NEGR1: variants seen among roughly 807,000 people sequenced by gnomAD.
NEGR1 encodes the protein neuronal growth regulator 1.
NEGR1 carries 10 observed loss-of-function variants against 40.9 expected under a neutral mutation model. The ratio of observed to expected loss-of-function variants is 0.24; its 90% CI spans 0.15 to 0.42. The LOEUF is 0.42. Among genes scored for constraint, NEGR1 ranks in the 10% least tolerant of loss-of-function variants. The probability of loss-of-function intolerance (pLI) is 1.00; values close to 1 mark genes in which losing one functional copy is unlikely to be tolerated. For synonymous variants in NEGR1, 185 were observed against 166.8 expected, an observed-to-expected ratio of 1.11 and a Z score of -0.84; for missense variants, 352 against 438.9, an observed-to-expected ratio of 0.80 and a Z score of 1.77.
intron 1 of NEGR1, among the ~76,000 whole-genome samples, chr1:71,999,995 C>T (rs1646543576): frequency 6.6e-6 from 1 of 151,858 alleles, no homozygotes; most frequent in South Asian, 2.1e-4. Flanking sequence ...TTGTGTATGT[C>T]ATTGTACTGT....
chr1:72,210,869 C>A (rs916513891), intron 1 of NEGR1, among the ~76,000 whole-genome samples: 2 of 151,766 alleles, frequency 1.3e-5, no homozygotes, highest in African/African-American at 4.8e-5. Flanking sequence ...GTTTGAGATT[C>A]CATACTGTAA....
intron 4 of NEGR1, among the ~76,000 whole-genome samples, chr1:71,668,122 TA>T (rs1652301825): frequency 1.3e-5 from 2 of 152,232 alleles, no homozygotes; most frequent in South Asian, 4.1e-4. Flanking sequence ...TGGGTTTAAC[TA>T]AATATTTTCC....
chr1:71,585,520 T>C (rs1649274048), intron 6 of NEGR1, among the ~76,000 whole-genome samples: 1 of 152,044 alleles, frequency 6.6e-6, no homozygotes, highest in Non-Finnish European at 1.5e-5. Flanking sequence ...GGCTGATCAA[T>C]GACAACACCA....
Position 71,776,188 on chromosome 1 carries a change from T to C in NEGR1, c.519A>G (p.Arg173=). ...CTACTTTACCTGATGGGGAGATGTG[T>C]CGCCAAGAAATGGAAGGCTCTGGTT... ...TGKPEPSISW[R]HISPSAKPFE... Residue 173 remains arginine (R), a synonymous_variant, in exon 3 of 7, where the codon CGA becomes CGG. Transcript: ENST00000357731. 6.2e-7 allele frequency: 1 copy of C among 1,609,722 alleles called. No homozygotes were observed. The highest frequency in any genetic ancestry group is 2.2e-5 in the East Asian group (1 of 44,672).
chr1:71,868,485 TAC>T (rs747789483), intron 2 of NEGR1, among the ~76,000 whole-genome samples: 2 of 148,934 alleles, frequency 1.3e-5, no homozygotes, highest in African/African-American at 5.1e-5. Flanking sequence ...CATACATACA[TAC>T]ATACATACAT....
chr1:72,094,858 G>T (rs1648638334), intron 1 of NEGR1, among the ~76,000 whole-genome samples: 1 of 152,108 alleles, frequency 6.6e-6, no homozygotes, highest in Admixed American at 6.6e-5. Flanking sequence ...ACAAAATGTT[G>T]GATGTATACA....
chr1:71,579,191 C>G (rs1273868800), intron 6 of NEGR1, among the ~76,000 whole-genome samples: 2 of 152,184 alleles, frequency 1.3e-5, no homozygotes, highest in Non-Finnish European at 2.9e-5. Flanking sequence ...CCAGCTCTGT[C>G]CACTTCACCT....
intron 2 of NEGR1, among the ~76,000 whole-genome samples, chr1:71,800,657 G>A (rs1267675313): frequency 6.6e-6 from 1 of 152,022 alleles, no homozygotes. Context: ...GTGTGCTTAT[G>A]CTTTGCCTTC....
rs769521243 is a variant in NEGR1, at chr1:71,611,053, G to A, written c.761C>T (p.Ala254Val). ...CTTCTCTCCTTTGTACCATTCAAAGGCTGGAGGCGGCACACCTGCACCTTC... is the reference window on the plus strand; with the variant it reads ...CTTCTCTCCTTTGTACCATTCAAAGACTGGAGGCGGCACACCTGCACCTTC... ...RCEGAGVPPP[A>V]FEWYKGEKKL... Residue 254 changes from alanine (A) to valine (V), a missense_variant, in exon 5 of 7, where the codon GCC becomes GTC. Around this residue, in one of 5 missense-constraint regions of NEGR1, gnomAD observed 184 missense variants for 208.7 expected, o/e 0.88. Transcript: ENST00000357731. The A allele has an allele frequency of 4.3e-6, 7 of 1,613,796 alleles. No individual in the cohort carries two copies. The highest frequency in any genetic ancestry group is 1.3e-5 in the African/African-American group (1 of 74,878).
intron 5 of NEGR1, among the ~76,000 whole-genome samples, chr1:71,600,828 C>G (rs367807678): frequency 6.6e-6 from 1 of 152,148 alleles, no homozygotes; most frequent in African/African-American, 2.4e-5. Flanking sequence ...TATTTTAGAA[C>G]GATCATTACG....
At chr1:71,859,622 A>C (rs997229663) in intron 2 of NEGR1, among the ~76,000 whole-genome samples, 1 of 152,032 alleles carries the variant, frequency 6.6e-6, no homozygotes, top group Non-Finnish European at 1.5e-5. Context: ...TTACAAAAGC[A>C]AGCAGTAGGG....
intron 6 of NEGR1, among the ~76,000 whole-genome samples, chr1:71,539,435 C>T (rs1036232361): frequency 2.6e-5 from 4 of 151,640 alleles, no homozygotes; most frequent in Admixed American, 1.3e-4. Flanking sequence ...TAGCTGCACT[C>T]GGCCACCAAA....
intron 1 of NEGR1, among the ~76,000 whole-genome samples, chr1:72,008,829 T>C (rs1427358027): frequency 6.6e-6 from 1 of 152,056 alleles, no homozygotes; most frequent in African/African-American, 2.4e-5. Flanking sequence ...GAATGACCCA[T>C]AGCATGTTAA....
At chr1:71,943,278 TAC>T (rs930326336) in intron 1 of NEGR1, among the ~76,000 whole-genome samples, 207 of 150,258 alleles carry the variant, frequency 1.4e-3, no homozygotes, top group African/African-American at 4.7e-3. Flanking sequence ...TACACATATA[TAC>T]ACATGTATCA....
At chr1:71,483,847 G>T (rs1557541919) in intron 6 of NEGR1, among the ~76,000 whole-genome samples, 1 of 151,666 alleles carries the variant, frequency 6.6e-6, no homozygotes. Flanking sequence ...AAAATGCCTA[G>T]CATTTAACAG....
intron 3 of NEGR1, among the ~76,000 whole-genome samples, chr1:71,710,363 C>A (rs1277964368): frequency 1.3e-5 from 2 of 152,246 alleles, no homozygotes; most frequent in East Asian, 3.9e-4. Flanking sequence ...ATGCAGCAAT[C>A]CCACTGCTGG....
chr1:72,130,775 C>T (rs186153953), intron 1 of NEGR1, among the ~76,000 whole-genome samples: 6 of 152,178 alleles, frequency 3.9e-5, no homozygotes, highest in South Asian at 2.1e-4. Flanking sequence ...GCCTCATATC[C>T]GCAATAGAAT....
chr1:71,732,558 C>T (rs933306426), intron 3 of NEGR1, among the ~76,000 whole-genome samples: 2 of 151,522 alleles, frequency 1.3e-5, no homozygotes, highest in African/African-American at 4.9e-5. Context: ...TAGAGGCATT[C>T]GTGTTGACAT....
rs1292609284 is a variant in NEGR1 at position 71,595,654 on chromosome 1, C to A, written c.789-2686G>T. Among the ~76,000 whole-genome samples, 4 of 152,140 alleles carry A rather than the reference C, an allele frequency of 2.6e-5. No homozygotes were observed. In the East Asian group the frequency reaches 5.8e-4, roughly 22 times the overall value. ...CTGAGTGACTAGGGACAAGACTGGGCAACCCATGATCTCTGCTCTTGAGAA... is the reference window on the plus strand; with the variant it reads ...CTGAGTGACTAGGGACAAGACTGGGAAACCCATGATCTCTGCTCTTGAGAA... On this transcript the variant is annotated intron_variant, in intron 5 of 6. Transcript: ENST00000357731.
Sources: allele counts gnomAD v4.1 joint callset (sites outside exome capture counted in the v4.1 genomes callset), GRCh38; gene constraint gnomAD v4.1.1; regional missense constraint gnomAD v4.1.1; transcripts MANE v1.5; gene names NCBI Gene and HGNC (gene_info 2026-07-23, HGNC 2026-07-21).